The following RASGRP3 variants were observed in gnomAD, a reference collection of about 807,000 sequenced individuals.
RASGRP3 encodes the protein RAS guanyl releasing protein 3, also known as ras guanyl-releasing protein 3.
Under a neutral mutation model 82.7 loss-of-function variants are expected in RASGRP3, and 54 were observed. The observed-to-expected ratio is 0.65, with a 90% CI of 0.52 to 0.82. The LOEUF (loss-of-function observed/expected upper bound fraction) is 0.82. RASGRP3 is among the 40% of genes least tolerant of loss of function. The pLI is 0.00. For synonymous variants in RASGRP3, 309 were observed against 300.5 expected, an observed-to-expected ratio of 1.03 and a Z score of -0.29; for missense variants, 861 against 828.9, an observed-to-expected ratio of 1.04 and a Z score of -0.48.
intron 1 of RASGRP3, among the ~76,000 whole-genome samples, chr2:33,510,056 T>C (rs985909416): frequency 6.6e-6 from 1 of 152,242 alleles, no homozygotes; most frequent in Non-Finnish European, 1.5e-5. Flanking sequence ...ACTTCAAGGT[T>C]TGTAACAATT....
intron 2 of RASGRP3, among the ~76,000 whole-genome samples, chr2:33,471,604 T>C (rs1267060775): frequency 2.6e-5 from 4 of 152,178 alleles, no homozygotes; most frequent in Admixed American, 1.3e-4. Context: ...CTGTTACTTT[T>C]GTCCACTTGA....
chr2:33,519,391 C>T (rs547201990), intron 4 of RASGRP3, among the ~76,000 whole-genome samples: 37 of 152,206 alleles, frequency 2.4e-4, no homozygotes, highest in African/African-American at 7.2e-4. Flanking sequence ...CCGAGGTGGG[C>T]GGATCACAAG....
chr2:33,492,422 A>G (rs1186973455), intron 1 of RASGRP3, among the ~76,000 whole-genome samples: 3 of 152,244 alleles, frequency 2.0e-5, no homozygotes, highest in East Asian at 1.9e-4. Context: ...ATAGATCTCC[A>G]GTCCTTGGTT....
At chr2:33,457,846 A>AG (rs1666126155) in intron 2 of RASGRP3, among the ~76,000 whole-genome samples, 1 of 152,202 alleles carries the variant, frequency 6.6e-6, no homozygotes, top group African/African-American at 2.4e-5. Flanking sequence ...TGGTTAAAAA[A>AG]AGTTTTAAAG....
At chr2:33,498,145 TG>T (rs1669500869) in intron 1 of RASGRP3, among the ~76,000 whole-genome samples, 1 of 152,206 alleles carries the variant, frequency 6.6e-6, no homozygotes, top group Non-Finnish European at 1.5e-5. Context: ...GGGCACTTTT[TG>T]GTCCCTTACC....
rs370157363 is a variant in RASGRP3, at chr2:33,563,509, C to G, written c.*772C>G. On this transcript the variant is annotated 3_prime_UTR_variant, in exon 18 of 18. Transcript: ENST00000403687. ...AGCCATGGAAGAAAATTATGCTTGT[C>G]CCTTCTGACTGGGTTAAGCCATCTT... 2.6e-5 allele frequency: 4 copies of G among 152,236 alleles called. No individual in the cohort carries two copies. Among genetic ancestry groups the G allele is most frequent in the Admixed American group, 6.5e-5 (1 of 15,302 alleles). 9.4% of individuals were successfully genotyped at this position (152,236 alleles called of 1,614,324 possible). A position where few individuals can be genotyped will look rare whatever the true frequency, so the allele number is the denominator to read the frequency against.
chr2:33,533,281 C>T (rs75441037), intron 10 of RASGRP3: 6,408 of 152,244 alleles, frequency 0.042, 178 homozygotes, highest in South Asian at 0.091. Context: ...GTTGTCCTTG[C>T]CTACAATGAT....
upstream of RASGRP3, among the ~76,000 whole-genome samples, chr2:33,475,346 A>G (rs1313159654): frequency 1.3e-5 from 2 of 152,218 alleles, no homozygotes; most frequent in Non-Finnish European, 2.9e-5. Context: ...AAAACACTGT[A>G]TCCTCTATAT....
At chr2:33,542,664 C>A (rs930651890) in intron 12 of RASGRP3, among the ~76,000 whole-genome samples, 4 of 146,382 alleles carry the variant, frequency 2.7e-5, no homozygotes, top group African/African-American at 7.3e-5. Context: ...CTTTCCCCCC[C>A]CCACCAATAT....
At chr2:33,520,730 TA>T (rs760297713) in intron 6 of RASGRP3, 46 bp downstream of exon 6, 3 of 1,604,958 alleles carry the variant, frequency 1.9e-6, no homozygotes, top group Non-Finnish European at 2.6e-6. Flanking sequence ...GTCCACCACT[TA>T]GGGGAGGAAG....
intron 2 of RASGRP3, among the ~76,000 whole-genome samples, chr2:33,452,075 C>A (rs557858888): frequency 6.6e-6 from 1 of 152,064 alleles, no homozygotes; most frequent in African/African-American, 2.4e-5. Context: ...CTGCCTTGTT[C>A]TTTTTTATGG....
chr2:33,440,688 G>T (rs558459851), intron 1 of RASGRP3, among the ~76,000 whole-genome samples: 1 of 151,958 alleles, frequency 6.6e-6, no homozygotes, highest in Non-Finnish European at 1.5e-5. Flanking sequence ...CTCCAGAATC[G>T]TTTTTCCCCT....
At chr2:33,482,010 G>A (rs1244864848) in intron 1 of RASGRP3, 1 of 150,324 alleles carries the variant, frequency 6.7e-6, no homozygotes. Context: ...GGCTAGCTTA[G>A]GGTAATATTT....
chr2:33,559,233 A>T (rs1676373926), intron 17 of RASGRP3, among the ~76,000 whole-genome samples: 1 of 152,142 alleles, frequency 6.6e-6, no homozygotes, highest in South Asian at 2.1e-4. Context: ...TCTCAGTATC[A>T]TGATTTAAAA....
intron 10 of RASGRP3, among the ~76,000 whole-genome samples, chr2:33,529,064 G>A (rs1672847858): frequency 6.6e-6 from 1 of 152,194 alleles, no homozygotes; most frequent in Non-Finnish European, 1.5e-5. Context: ...CAGAGAGCAG[G>A]TGCCTACCCT....
Position 33,543,535 on chromosome 2 carries a change from C to A in RASGRP3, c.1302C>A (p.His434Gln). 1 of 1,607,632 alleles carries A rather than the reference C, an allele frequency of 6.2e-7. No homozygotes were observed. Among genetic ancestry groups the A allele is most frequent in the Non-Finnish European group, 8.5e-7 (1 of 1,174,948 alleles). The change falls in exon 13 of 18, where the codon CAC becomes CAA. Residue 434 changes from histidine to glutamine, a missense_variant. By Grantham distance (24) the His-to-Gln change is conservative. Coordinates refer to ENST00000403687, the MANE Select transcript of RASGRP3 (RefSeq NM_001139488.2). ...AGTCTGTATTTAGAAACTATGATCA[C>A]GACCATGATGGGTACATTTCCCAAG... ...LVESVFRNYD[H>Q]DHDGYISQED...
chr2:33,559,699 AT>A, intron 17 of RASGRP3: 1 of 505,786 alleles, frequency 2.0e-6, no homozygotes, highest in South Asian at 1.4e-5. Flanking sequence ...GAAAATTGGC[AT>A]GATATTCCTA....
intron 9 of RASGRP3, among the ~76,000 whole-genome samples, chr2:33,524,835 T>G (rs1672365871): frequency 6.6e-6 from 1 of 151,932 alleles, no homozygotes; most frequent in African/African-American, 2.4e-5. Context: ...ATCCCAGTAC[T>G]TTGGGAGGCT....
At chr2:33,530,919 A>C (rs2151046475) in intron 10 of RASGRP3, 1 of 152,334 alleles carries the variant, frequency 6.6e-6, no homozygotes, top group South Asian at 2.1e-4. Flanking sequence ...CAGGAGTTTT[A>C]AAAGCTGATG....
Sources: gnomAD v4.1 joint callset for allele counts (sites outside exome capture counted in the v4.1 genomes callset) on GRCh38, gnomAD v4.1.1 for gene constraint, MANE v1.5 for transcripts, NCBI Gene and HGNC (gene_info 2026-07-23, HGNC 2026-07-21) for gene names.